The following LHX8 variants were observed in gnomAD, a reference collection of about 807,000 sequenced individuals.
LHX8 encodes LIM homeobox 8.
LHX8 carries 12 observed loss-of-function variants against 40.3 expected under a neutral mutation model. That is an observed-to-expected ratio of 0.30 (90% CI 0.19 to 0.48). LHX8 has a LOEUF of 0.48. Ranked by LOEUF, LHX8 falls within the 20% of genes least tolerant of loss-of-function variation. LHX8 has a pLI of 0.99. For missense variants in LHX8, 344 were observed against 433.7 expected (o/e 0.79, Z 1.84); for synonymous variants, 179 against 162.0 (o/e 1.10, Z -0.80).
In LHX8 at chr1:75,141,110, T is replaced by A; in HGVS notation, c.359+4T>A. ...TCTGCAAACTTGATTATTTCAGGTA[T>A]GCTGTGAAGCTTTTTCTTAGTAGAT... On this transcript the variant is annotated splice_donor_region_variant and intron_variant, in intron 4 of 8. Transcript: ENST00000356261. The A allele has an allele frequency of 6.2e-7, 1 of 1,612,780 alleles. No homozygotes were observed. The highest frequency in any genetic ancestry group is 8.5e-7 in the Non-Finnish European group (1 of 1,179,276).
chr1:75,161,120 AT>A lies in LHX8; in HGVS notation c.*231del. ...TTACAAGAAGAAAACAAATCAAAAC[AT>A]TTTTTGTATTGTCTGGAAATAGTTC... On this transcript the variant is annotated 3_prime_UTR_variant, in exon 9 of 9. Coordinates refer to ENST00000356261, the MANE Select transcript of LHX8 (RefSeq NM_001256114.2). The A allele has an allele frequency of 1.9e-6, 1 of 523,932 alleles. No individual in the cohort carries two copies. Among genetic ancestry groups the A allele is most frequent in the Non-Finnish European group, 3.4e-6 (1 of 292,598 alleles). The allele number at this position is 523,932 out of a possible 1,614,324, so 32.5% of individuals were successfully genotyped here. A position where few individuals can be genotyped will look rare whatever the true frequency, so the allele number is the denominator to read the frequency against.
At chr1:75,183,758 T>C in the LHX8 span, among the ~76,000 whole-genome samples, 1 of 152,132 alleles carries the variant, frequency 6.6e-6, no homozygotes, top group Non-Finnish European at 1.5e-5. Flanking sequence ...AATGACAGGA[T>C]CAAATGTACA....
Position 75,160,938 on chromosome 1 carries a change from C to A in LHX8, c.*43C>A. The A allele has an allele frequency of 7.4e-7, 1 of 1,358,140 alleles. No individual in the cohort carries two copies. The highest frequency in any genetic ancestry group is 1.2e-5 in the South Asian group (1 of 85,626). The allele number at this position is 1,358,140 out of a possible 1,614,324, so 84.1% of individuals were successfully genotyped here. ...GACTTGATTAAGGATATAAATTTGT[C>A]ATTTATTATGTATAAAATACCATTG... On this transcript the variant is annotated 3_prime_UTR_variant, in exon 9 of 9. Transcript: ENST00000356261.
chr1:75,156,767 G>A (rs1648778861), intron 7 of LHX8, 126 bp from the exon 8 acceptor site: 1 of 873,452 alleles, frequency 1.1e-6, no homozygotes. Flanking sequence ...TAAAAGCTGA[G>A]TTACATTTAT....
intron 3 of LHX8, among the ~76,000 whole-genome samples, chr1:75,137,875 A>G (rs959889772): frequency 7.9e-5 from 12 of 152,222 alleles, no homozygotes; most frequent in African/African-American, 2.9e-4. Flanking sequence ...TTATAGGTCC[A>G]TTTAAATAAA....
At chr1:75,130,790 T>G, upstream of LHX8, 2 of 1,542,734 alleles carry the variant, frequency 1.3e-6, no homozygotes. Flanking sequence ...TCCAGACTAA[T>G]ATTTATAATG....
chr1:75,130,101 A>G (rs1647924327), upstream of LHX8: 1 of 155,422 alleles, frequency 6.4e-6, no homozygotes, highest in African/African-American at 2.4e-5. Flanking sequence ...GAAATGTCAC[A>G]ATGAATAAAT....
chr1:75,157,455 T>C (rs757713261), intron 8 of LHX8, among the ~76,000 whole-genome samples: 2 of 152,234 alleles, frequency 1.3e-5, no homozygotes, highest in Non-Finnish European at 2.9e-5. Flanking sequence ...TTGTTTTTTA[T>C]AGAAGAAAAT....
At chr1:75,170,027 C>A in the LHX8 span, among the ~76,000 whole-genome samples, 8 of 152,204 alleles carry the variant, frequency 5.3e-5, no homozygotes, top group Non-Finnish European at 1.2e-4. Flanking sequence ...GCAGATACCC[C>A]AGGTCTATGT....
chr1:75,187,988 G>A, the LHX8 span, among the ~76,000 whole-genome samples: 1 of 152,146 alleles, frequency 6.6e-6, no homozygotes, highest in Non-Finnish European at 1.5e-5. Flanking sequence ...AGCCATTGTA[G>A]CAGCACAGTC....
the LHX8 span, among the ~76,000 whole-genome samples, chr1:75,172,023 T>G: frequency 6.6e-6 from 1 of 152,208 alleles, no homozygotes; most frequent in African/African-American, 2.4e-5. Flanking sequence ...CAAAGAGATT[T>G]GCACAGCAGC....
intron 1 of LHX8, among the ~76,000 whole-genome samples, chr1:75,128,931 C>A (rs555629364): frequency 6.6e-6 from 1 of 152,124 alleles, no homozygotes; most frequent in Non-Finnish European, 1.5e-5. Context: ...ACCCTCTGAA[C>A]CCCTAGAAGT....
chr1:75,133,637 CAA>C (rs1367141080), upstream of LHX8, among the ~76,000 whole-genome samples: 1 of 152,086 alleles, frequency 6.6e-6, no homozygotes, highest in Non-Finnish European at 1.5e-5. Context: ...GTTTATACCA[CAA>C]AGAGTCTGTT....
the LHX8 span, among the ~76,000 whole-genome samples, chr1:75,180,963 C>T: frequency 5.9e-5 from 9 of 152,162 alleles, no homozygotes; most frequent in Admixed American, 5.2e-4. Context: ...AGCTGAAAGT[C>T]TGTTGGAGTT....
chr1:75,189,519 G>T, the LHX8 span, among the ~76,000 whole-genome samples: 2 of 151,836 alleles, frequency 1.3e-5, no homozygotes, highest in African/African-American at 4.8e-5. Flanking sequence ...TTATGGATAG[G>T]GTGTCTAAAG....
the LHX8 span, among the ~76,000 whole-genome samples, chr1:75,190,123 T>C: frequency 4.6e-5 from 7 of 152,184 alleles, no homozygotes; most frequent in Admixed American, 2.0e-4. Flanking sequence ...AATGGCTAAC[T>C]CTGCCCTGGG....
At chr1:75,135,549 G>A (rs953296530) in intron 1 of LHX8, among the ~76,000 whole-genome samples, 4 of 152,242 alleles carry the variant, frequency 2.6e-5, no homozygotes, top group Admixed American at 6.5e-5. Flanking sequence ...TGCTTCCAGA[G>A]GGAGGGAGAA....
intron 7 of LHX8, among the ~76,000 whole-genome samples, chr1:75,153,687 G>C (rs893104669): frequency 1.3e-5 from 2 of 152,210 alleles, no homozygotes; most frequent in Admixed American, 6.5e-5. Flanking sequence ...GGGACTACAG[G>C]TGTGAGCCAC....
the LHX8 span, among the ~76,000 whole-genome samples, chr1:75,193,653 T>G: frequency 6.6e-6 from 1 of 152,208 alleles, no homozygotes; most frequent in African/African-American, 2.4e-5. Flanking sequence ...AAATAAAATC[T>G]CTTCACAATA....
Sources: allele counts gnomAD v4.1 joint callset (sites outside exome capture counted in the v4.1 genomes callset), GRCh38; gene constraint gnomAD v4.1.1; transcripts MANE v1.5; gene names NCBI Gene and HGNC (gene_info 2026-07-23, HGNC 2026-07-21).